The following BBS9 variants were observed in gnomAD, a reference collection of about 807,000 sequenced individuals.
The protein encoded by BBS9 is protein PTHB1.
Under a neutral mutation model 117.7 loss-of-function variants are expected in BBS9, and 89 were observed. That is an observed-to-expected ratio of 0.76 (90% CI 0.64 to 0.90). The LOEUF (loss-of-function observed/expected upper bound fraction) is 0.90, where lower values mean the gene tolerates loss of function less well. Ranked by LOEUF, BBS9 falls within the 40% of genes least tolerant of loss-of-function variation. The probability of loss-of-function intolerance (pLI) is 0.00; values close to 1 mark genes in which losing one functional copy is unlikely to be tolerated. For synonymous variants in BBS9, 379 were observed against 370.9 expected, an observed-to-expected ratio of 1.02 and a Z score of -0.25; for missense variants, 982 against 1,042.2, an observed-to-expected ratio of 0.94 and a Z score of 0.80.
intron 19 of BBS9, among the ~76,000 whole-genome samples, chr7:33,402,945 A>G (rs1829178214): frequency 6.6e-6 from 1 of 152,064 alleles, no homozygotes; most frequent in African/African-American, 2.4e-5. Flanking sequence ...GAGAACATGC[A>G]ATATTTGGTT....
intron 21 of BBS9, among the ~76,000 whole-genome samples, chr7:33,633,455 A>G (rs1012526690): frequency 2.0e-5 from 3 of 151,916 alleles, no homozygotes; most frequent in Non-Finnish European, 2.9e-5. Context: ...TTGGGAATGC[A>G]TGAACACCAT....
At chr7:33,593,163 A>G (rs1862202159) in intron 21 of BBS9, among the ~76,000 whole-genome samples, 1 of 152,166 alleles carries the variant, frequency 6.6e-6, no homozygotes, top group Admixed American at 6.6e-5. Context: ...AAACTAGAAA[A>G]CATTGTACTG....
chr7:33,574,610 G>A lies in BBS9; in HGVS notation c.2522-30255G>A, dbSNP rs540490570. On this transcript the variant is annotated intron_variant, in intron 21 of 22. Transcript: ENST00000242067. ...GGTACCAGAGCCAGAGATCCCCTGG[G>A]ACCACACAGATTATCCTAGAAATTT... Among the ~76,000 whole-genome samples, 15 of 150,998 alleles carry A rather than the reference G, an allele frequency of 9.9e-5. No individual in the cohort carries two copies. In the East Asian group the frequency reaches 2.9e-3, roughly 30 times the overall value.
At chr7:33,459,132 G>A (rs2128930272) in intron 19 of BBS9, among the ~76,000 whole-genome samples, 1 of 152,192 alleles carries the variant, frequency 6.6e-6, no homozygotes, top group African/African-American at 2.4e-5. Context: ...AAACACTCAA[G>A]AAGACAAAAC....
rs1798403747 is a variant in BBS9, at chr7:33,183,717, T to G, written c.442+6126T>G. Among the ~76,000 whole-genome samples, 3 of 152,160 alleles carry G rather than the reference T, an allele frequency of 2.0e-5. No individual in the cohort carries two copies. In the South Asian group the frequency reaches 6.2e-4, roughly 31 times the overall value. ...TCTGACATAAACTCCAAAATTCCTG[T>G]CCTCCAGATGGCTGAGAACAAGAGA... On this transcript the variant is annotated intron_variant, in intron 5 of 22. Coordinates refer to ENST00000242067, the MANE Select transcript of BBS9 (RefSeq NM_198428.3).
chr7:33,354,523 A>T (rs1819281581), intron 15 of BBS9, among the ~76,000 whole-genome samples: 1 of 152,174 alleles, frequency 6.6e-6, no homozygotes, highest in Admixed American at 6.6e-5. Context: ...TGGCTACCAG[A>T]CATTGCTACT....
intron 19 of BBS9, 77 bp from the exon 20 acceptor site, chr7:33,505,384 CAA>C (rs1396869923): frequency 1.1e-5 from 16 of 1,433,040 alleles, no homozygotes; most frequent in Non-Finnish European, 1.5e-5. Flanking sequence ...TGAAGAAAAA[CAA>C]AAGTGTGCCA....
chr7:33,234,340 G>A (rs1339346436), intron 5 of BBS9, among the ~76,000 whole-genome samples: 2 of 151,818 alleles, frequency 1.3e-5, no homozygotes, highest in Non-Finnish European at 2.9e-5. Context: ...AGCTATTGAG[G>A]TATAGTTGAC....
chr7:33,337,337 A>G (rs1815591658), intron 10 of BBS9, among the ~76,000 whole-genome samples: 1 of 152,132 alleles, frequency 6.6e-6, no homozygotes, highest in Non-Finnish European at 1.5e-5. Flanking sequence ...GTATTTTTTT[A>G]ATGTGAAAAA....
At chr7:33,627,905 G>A (rs935090720) in intron 21 of BBS9, among the ~76,000 whole-genome samples, 2 of 152,122 alleles carry the variant, frequency 1.3e-5, no homozygotes, top group African/African-American at 4.8e-5. Flanking sequence ...TTAGCTGGAT[G>A]TGGTGGTGCA....
chr7:33,334,015 G>A (rs1814727309), intron 9 of BBS9, among the ~76,000 whole-genome samples: 1 of 152,138 alleles, frequency 6.6e-6, no homozygotes, highest in African/African-American at 2.4e-5. Context: ...TTTGGTGAGG[G>A]AAGACCCTGG....
chr7:33,293,724 A>G (rs1466991116), intron 9 of BBS9, among the ~76,000 whole-genome samples: 1 of 152,160 alleles, frequency 6.6e-6, no homozygotes, highest in African/African-American at 2.4e-5. Flanking sequence ...TAGACTATTT[A>G]TTAGACTCAG....
intron 21 of BBS9, among the ~76,000 whole-genome samples, chr7:33,620,961 A>G (rs1006666039): frequency 1.3e-5 from 2 of 152,234 alleles, no homozygotes; most frequent in African/African-American, 4.8e-5. Flanking sequence ...ATCTTTAACA[A>G]AGGTATTAAG....
intron 9 of BBS9, among the ~76,000 whole-genome samples, chr7:33,289,001 CG>C (rs1215672006): frequency 2.6e-5 from 4 of 152,122 alleles, no homozygotes; most frequent in Non-Finnish European, 5.9e-5. Flanking sequence ...AAGCAGAATA[CG>C]GTAGGTCCAT....
intron 5 of BBS9, among the ~76,000 whole-genome samples, chr7:33,256,844 A>G (rs374898270): frequency 3.9e-5 from 6 of 152,316 alleles, no homozygotes; most frequent in African/African-American, 4.8e-5. Context: ...ATGAAAGGTT[A>G]TAGCCACTAG....
chr7:33,492,811 A>AGTGT (rs57870306), intron 19 of BBS9, among the ~76,000 whole-genome samples: 9,321 of 131,496 alleles, frequency 0.071, 415 homozygotes, highest in Middle Eastern at 0.12. Flanking sequence ...TATAGGAGTG[A>AGTGT]GTGTGTGTGT....
intron 18 of BBS9, among the ~76,000 whole-genome samples, chr7:33,386,591 C>T (rs1285297043): frequency 2.0e-5 from 3 of 151,766 alleles, no homozygotes; most frequent in Non-Finnish European, 2.9e-5. Context: ...CCTGGGTTCA[C>T]GCCATTCTCC....
At chr7:33,310,849 C>G (rs1393502457) in intron 9 of BBS9, among the ~76,000 whole-genome samples, 1 of 152,230 alleles carries the variant, frequency 6.6e-6, no homozygotes, top group Non-Finnish European at 1.5e-5. Flanking sequence ...TAACCCCCTT[C>G]TCTATGCCAG....
At chr7:33,189,643 T>A (rs1469360167) in intron 5 of BBS9, among the ~76,000 whole-genome samples, 2 of 150,428 alleles carry the variant, frequency 1.3e-5, no homozygotes, top group Non-Finnish European at 3.0e-5. Flanking sequence ...ATCCCAGCAC[T>A]TTGGGAGGCT....
Sources: gnomAD v4.1 joint callset for allele counts (sites outside exome capture counted in the v4.1 genomes callset) on GRCh38, gnomAD v4.1.1 for gene constraint, MANE v1.5 for transcripts, NCBI Gene and HGNC (gene_info 2026-07-23, HGNC 2026-07-21) for gene names.